The following WNT7A variants were observed in gnomAD, a reference collection of about 807,000 sequenced individuals.
WNT7A encodes the protein protein Wnt-7a.
In WNT7A, 16 loss-of-function variants were observed where a neutral mutation model predicts 28.2. The observed-to-expected ratio is 0.57, with a 90% confidence interval of 0.38 to 0.86. WNT7A has a LOEUF of 0.86. Among genes scored for constraint, WNT7A ranks in the 40% least tolerant of loss-of-function variants. WNT7A has a pLI of 0.00. For missense variants in WNT7A, 411 were observed against 489.7 expected, an observed-to-expected ratio of 0.84 and a Z score of 1.52; for synonymous variants, 190 against 195.9, an observed-to-expected ratio of 0.97 and a Z score of 0.25.
intron 3 of WNT7A, among the ~76,000 whole-genome samples, chr3:13,824,629 C>T (rs910832393): frequency 2.6e-5 from 4 of 152,290 alleles, no homozygotes; most frequent in Admixed American, 1.3e-4. Context: ...CGAGCCCCAC[C>T]CTCCTGGCCC....
chr3:13,817,585 C>T lies in WNT7A; in HGVS notation c.*1359G>A, dbSNP rs1041153448. ...AAGCAAAGTGGCCTCACTTGAACCT[C>T]TCTCTGCTGCTTGGCCTTGGGAGCA... On this transcript the variant is annotated 3_prime_UTR_variant, in exon 4 of 4. Transcript: ENST00000285018. The T allele has an allele frequency of 1.3e-5, 2 of 152,342 alleles. No individual in the cohort carries two copies. Among genetic ancestry groups the T allele is most frequent in the Non-Finnish European group, 2.9e-5 (2 of 68,124 alleles). The allele number at this position is 152,342 out of a possible 1,614,324, so 9.4% of individuals were successfully genotyped here. A position where few individuals can be genotyped will look rare whatever the true frequency, so the allele number is the denominator to read the frequency against.
rs576504491 is a variant in WNT7A, at chr3:13,817,019, A to G, written c.*1925T>C. Reference sequence around the variant, plus strand: ...CTTTTATTTGCCCATGCTGTGATCCAGGCTCAGTGTGGACACTGAGGAGTC... The same window carrying G: ...CTTTTATTTGCCCATGCTGTGATCCGGGCTCAGTGTGGACACTGAGGAGTC... On this transcript the variant is annotated 3_prime_UTR_variant, in exon 4 of 4. Transcript: ENST00000285018. The G allele has an allele frequency of 4.3e-4, 65 of 152,354 alleles. 2 individuals carry two copies. Among genetic ancestry groups the G allele is most frequent in the Admixed American group, 1.2e-3 (18 of 15,302 alleles). 9.4% of individuals were successfully genotyped at this position (152,354 alleles called of 1,614,324 possible). A position where few individuals can be genotyped will look rare whatever the true frequency, so the allele number is the denominator to read the frequency against.
chr3:13,835,110 C>A (rs569432284), intron 3 of WNT7A, among the ~76,000 whole-genome samples: 1 of 152,090 alleles, frequency 6.6e-6, no homozygotes, highest in South Asian at 2.1e-4. Flanking sequence ...GGGCAAAGGC[C>A]GAGGGCAGAA....
rs945625647 is a variant in WNT7A, at chr3:13,862,193, G to C, written c.299-7390C>G. ...TGAAGCCTCTATGGAGCTCCCAGAA[G>C]GTGCTGGATAAAGAACGATACATAT... On this transcript the variant is annotated intron_variant, in intron 2 of 3. Transcript: ENST00000285018. Among the ~76,000 whole-genome samples the C allele has an allele frequency of 2.0e-5, 3 of 152,332 alleles. 1 individual carries two copies. Among genetic ancestry groups the C allele is most frequent in the Admixed American group, 2.0e-4 (3 of 15,302 alleles).
At chr3:13,864,467 G>A (rs543307748) in intron 2 of WNT7A, among the ~76,000 whole-genome samples, 10 of 152,180 alleles carry the variant, frequency 6.6e-5, no homozygotes, top group Non-Finnish European at 1.2e-4. Flanking sequence ...GGTTGTGGAC[G>A]GCCCCTACTT....
In WNT7A at chr3:13,875,188, A is replaced by G; in HGVS notation, c.72-15T>C. On this transcript the variant is annotated splice_polypyrimidine_tract_variant and intron_variant, in intron 1 of 3. Transcript: ENST00000285018. ...AGGAGAAGCCACTGGAGGGAGAGAC[A>G]CAGAGAGATGGAGCATTAGGCCAGC... 3.7e-6 allele frequency: 6 copies of G among 1,613,750 alleles called. No individual in the cohort carries two copies. Among genetic ancestry groups the G allele is most frequent in the Non-Finnish European group, 5.1e-6 (6 of 1,179,874 alleles).
chr3:13,855,520 C>T (rs1694715344), intron 2 of WNT7A, among the ~76,000 whole-genome samples: 1 of 152,160 alleles, frequency 6.6e-6, no homozygotes, highest in South Asian at 2.1e-4. Flanking sequence ...TCTGTGGCCC[C>T]CTCACTGGAC....
intron 2 of WNT7A, among the ~76,000 whole-genome samples, chr3:13,859,839 A>C (rs1694800143): frequency 6.6e-6 from 1 of 152,238 alleles, no homozygotes; most frequent in Admixed American, 6.5e-5. Context: ...TCAGCATGTT[A>C]GAAGAGAATG....
In WNT7A at chr3:13,817,338, A is replaced by G. The variant is rs1694018901; in HGVS notation, c.*1606T>C. 6.6e-6 allele frequency: 1 copy of G among 152,352 alleles called. No individual in the cohort carries two copies. The highest frequency in any genetic ancestry group is 2.4e-5 in the African/African-American group (1 of 41,466). The allele number at this position is 152,352 out of a possible 1,614,324, so 9.4% of individuals were successfully genotyped here. A position where few individuals can be genotyped will look rare whatever the true frequency, so the allele number is the denominator to read the frequency against. On this transcript the variant is annotated 3_prime_UTR_variant, in exon 4 of 4. Transcript: ENST00000285018. Reference sequence around the variant, plus strand: ...AGACGCTTGGGTAGCACGGAAACACACAGACACATACACACACGAGTACGG... The same window carrying G: ...AGACGCTTGGGTAGCACGGAAACACGCAGACACATACACACACGAGTACGG...
intron 3 of WNT7A, among the ~76,000 whole-genome samples, chr3:13,833,229 G>T (rs142912369): frequency 6.6e-6 from 1 of 152,086 alleles, no homozygotes; most frequent in African/African-American, 2.4e-5. Context: ...ACGCCTGTGC[G>T]CACACTCACA....
intron 2 of WNT7A, among the ~76,000 whole-genome samples, chr3:13,867,318 C>G (rs181832784): frequency 1.3e-5 from 2 of 152,126 alleles, no homozygotes; most frequent in Non-Finnish European, 2.9e-5. Flanking sequence ...CAGCCCCACA[C>G]CTGCAGCAAG....
intron 1 of WNT7A, among the ~76,000 whole-genome samples, chr3:13,877,840 C>A (rs1212662475): frequency 6.6e-6 from 1 of 152,218 alleles, no homozygotes; most frequent in Non-Finnish European, 1.5e-5. Flanking sequence ...TTGCAATAGG[C>A]TAGTGCGGAG....
At chr3:13,877,510 T>C (rs922447507) in intron 1 of WNT7A, among the ~76,000 whole-genome samples, 17 of 152,230 alleles carry the variant, frequency 1.1e-4, no homozygotes, top group Admixed American at 9.2e-4. Context: ...CTACACCAGC[T>C]GAGAGTGGAT....
At chr3:13,830,267 C>T (rs771116291) in intron 3 of WNT7A, among the ~76,000 whole-genome samples, 5 of 152,164 alleles carry the variant, frequency 3.3e-5, no homozygotes, top group East Asian at 3.9e-4. Flanking sequence ...GGGAGCTTTG[C>T]TGGATGTGGA....
At chr3:13,829,300 C>T (rs1694242012) in intron 3 of WNT7A, among the ~76,000 whole-genome samples, 1 of 152,186 alleles carries the variant, frequency 6.6e-6, no homozygotes, top group African/African-American at 2.4e-5. Flanking sequence ...TCATCAAAAC[C>T]ACTTTTGGTA....
At chr3:13,836,366 C>G (rs1311019774) in intron 3 of WNT7A, among the ~76,000 whole-genome samples, 1 of 152,220 alleles carries the variant, frequency 6.6e-6, no homozygotes, top group East Asian at 1.9e-4. Flanking sequence ...TCCGCACGCT[C>G]TCCCCAGGCT....
intron 3 of WNT7A, among the ~76,000 whole-genome samples, chr3:13,831,927 C>T (rs1388408464): frequency 6.6e-6 from 1 of 152,098 alleles, no homozygotes; most frequent in Non-Finnish European, 1.5e-5. Context: ...ACCAGGGACC[C>T]TTTCCAAGGC....
Position 13,875,095 on chromosome 3 carries a change from C to T in WNT7A, c.150G>A (p.Ala50=), listed in dbSNP as rs201623293. The T allele has an allele frequency of 6.8e-6, 11 of 1,614,240 alleles. No individual in the cohort carries two copies. Among genetic ancestry groups the T allele is most frequent in the East Asian group, 6.7e-5 (3 of 44,886 alleles). Residue 50 remains alanine (A), a synonymous_variant, in exon 2 of 4, where the codon GCG becomes GCA. Transcript: ENST00000285018. ...TGGCGTCGGGCCGGCTCTGGCAGAT[C>T]GCCCGCTGTCTGGGAGCCAGGCCTG... ...KIPGLAPRQR[A]ICQSRPDAII... is the part of the protein sequence containing the mutation.
At chr3:13,837,791 C>T (rs1045065250) in intron 3 of WNT7A, among the ~76,000 whole-genome samples, 1 of 152,176 alleles carries the variant, frequency 6.6e-6, no homozygotes, top group South Asian at 2.1e-4. Flanking sequence ...ATCTGAGCTG[C>T]CTGGGCCCCA....
Sources: allele counts gnomAD v4.1 joint callset (sites outside exome capture counted in the v4.1 genomes callset), GRCh38; gene constraint gnomAD v4.1.1; transcripts MANE v1.5; gene names NCBI Gene and HGNC (gene_info 2026-07-23, HGNC 2026-07-21).